SLC44A5: variants seen among roughly 807,000 people sequenced by gnomAD.
The protein encoded by SLC44A5 is choline transporter-like protein 5.
Under a neutral mutation model 101.8 loss-of-function variants are expected in SLC44A5, and 57 were observed. That is an observed-to-expected ratio of 0.56 (90% confidence interval 0.45 to 0.70). SLC44A5 has a LOEUF of 0.70. Among genes scored for constraint, SLC44A5 ranks in the 30% least tolerant of loss-of-function variants. The pLI, the probability that SLC44A5 is intolerant of heterozygous loss-of-function variation, is 0.00. For missense variants in SLC44A5, 737 were observed against 853.1 expected, an observed-to-expected ratio of 0.86 and a Z score of 1.70; for synonymous variants, 281 against 290.9, an observed-to-expected ratio of 0.97 and a Z score of 0.35.
chr1:75,617,341 C>A, the SLC44A5 span, among the ~76,000 whole-genome samples: 5 of 151,990 alleles, frequency 3.3e-5, no homozygotes, highest in Admixed American at 1.3e-4. Flanking sequence ...CAGAAGTTGC[C>A]CCAGTACTAG....
In SLC44A5 at chr1:75,307,326, G is replaced by A. The variant is rs529127076; in HGVS notation, c.102-6641C>T. On this transcript the variant is annotated intron_variant, in intron 4 of 23. Transcript: ENST00000370859. ...GCATTGGTCCTCTGTGGTTCTGTTG[G>A]CACCTGAATGATGCCATTCAGTCAT... 4.6e-5 allele frequency among the ~76,000 whole-genome samples: 7 copies of A among 152,202 alleles called. No individual in the cohort carries two copies. In the South Asian group the frequency reaches 1.5e-3, roughly 32 times the overall value.
chr1:75,314,089 A>T (rs1193257875), intron 4 of SLC44A5, among the ~76,000 whole-genome samples: 5 of 152,198 alleles, frequency 3.3e-5, no homozygotes, highest in African/African-American at 1.2e-4. Context: ...TATAGTTTAA[A>T]TAATCCTAAC....
intron 17 of SLC44A5, 112 bp from the exon 18 acceptor site, chr1:75,218,072 G>A (rs1646999916): frequency 1.4e-6 from 1 of 722,780 alleles, no homozygotes; most frequent in East Asian, 2.7e-5. Context: ...TAACAGCAAA[G>A]AGACTTTTGC....
At chr1:75,240,091 T>C (rs1285816269) in intron 9 of SLC44A5, among the ~76,000 whole-genome samples, 3 of 152,092 alleles carry the variant, frequency 2.0e-5, no homozygotes, top group African/African-American at 7.2e-5. Context: ...TTACTAAATG[T>C]GTTCATTACA....
chr1:75,649,239 C>G, the SLC44A5 span, among the ~76,000 whole-genome samples: 34 of 152,276 alleles, frequency 2.2e-4, no homozygotes, highest in East Asian at 6.6e-3. Flanking sequence ...TTGTCTTAAT[C>G]CCTAAGGCAA....
chr1:75,489,367 C>G (rs1668317350), intron 2 of SLC44A5, among the ~76,000 whole-genome samples: 1 of 152,116 alleles, frequency 6.6e-6, no homozygotes, highest in Non-Finnish European at 1.5e-5. Context: ...TGTCTAGAAC[C>G]AAAATAGTTA....
At chr1:75,314,892 A>G (rs559711231) in intron 4 of SLC44A5, among the ~76,000 whole-genome samples, 1 of 152,320 alleles carries the variant, frequency 6.6e-6, no homozygotes, top group African/African-American at 2.4e-5. Context: ...TGCAGATTTT[A>G]GTCATTCTGT....
At chr1:75,224,392 A>T (rs1647153924) in intron 13 of SLC44A5, among the ~76,000 whole-genome samples, 2 of 152,212 alleles carry the variant, frequency 1.3e-5, no homozygotes, top group South Asian at 4.1e-4. Flanking sequence ...GTTATCTGTA[A>T]AATAGCTTCA....
At chr1:75,417,444 T>A (rs1206682999) in intron 2 of SLC44A5, among the ~76,000 whole-genome samples, 1 of 152,240 alleles carries the variant, frequency 6.6e-6, no homozygotes, top group Non-Finnish European at 1.5e-5. Context: ...GAAAACAGAC[T>A]AATACAGAAT....
At chr1:75,681,797 A>C in the SLC44A5 span, among the ~76,000 whole-genome samples, 1 of 151,852 alleles carries the variant, frequency 6.6e-6, no homozygotes, top group Non-Finnish European at 1.5e-5. Context: ...GTATTCAATT[A>C]GGAAAAGAGG....
At chr1:75,528,056 G>GC (rs1248751711) in intron 2 of SLC44A5, among the ~76,000 whole-genome samples, 4 of 152,134 alleles carry the variant, frequency 2.6e-5, no homozygotes, top group Non-Finnish European at 4.4e-5. Flanking sequence ...TATATTGATT[G>GC]CTATACAACA....
At chr1:75,423,113 G>A (rs1380786037) in intron 2 of SLC44A5, among the ~76,000 whole-genome samples, 1 of 152,154 alleles carries the variant, frequency 6.6e-6, no homozygotes, top group Non-Finnish European at 1.5e-5. Context: ...AGCATTCTCT[G>A]GGGTAGGCAG....
At chr1:75,415,688 C>CA (rs1663596624) in intron 2 of SLC44A5, among the ~76,000 whole-genome samples, 1 of 152,078 alleles carries the variant, frequency 6.6e-6, no homozygotes, top group Non-Finnish European at 1.5e-5. Context: ...ATGGCTCTGA[C>CA]AAAAATGCTG....
chr1:75,716,554 A>G, the SLC44A5 span, among the ~76,000 whole-genome samples: 3 of 152,200 alleles, frequency 2.0e-5, no homozygotes, highest in Non-Finnish European at 2.9e-5. Context: ...GTGGAAAGCA[A>G]TGTGGCGATT....
In SLC44A5 at chr1:75,446,590, G is replaced by T. The variant is rs532935521; in HGVS notation, c.14-49969C>A. ...GTAAATCTCCTCCATTAGAAAGAAG[G>T]TCCTATAAAGGCAGAGATTGCCTTG... On this transcript the variant is annotated intron_variant, in intron 2 of 23. Coordinates refer to ENST00000370859, the MANE Select transcript of SLC44A5 (RefSeq NM_001130058.2). Among the ~76,000 whole-genome samples the T allele has an allele frequency of 8.6e-5, 13 of 151,926 alleles. No homozygotes were observed. In the South Asian group the frequency reaches 2.7e-3, roughly 32 times the overall value.
At position 75,219,350 on chromosome 1, in the gene SLC44A5, T is replaced by C. The variant is rs962450278; in HGVS notation, c.1179-6A>G. On this transcript the variant is annotated splice_region_variant and splice_polypyrimidine_tract_variant and intron_variant, in intron 15 of 23. Transcript: ENST00000370859. ...CCCCCGATGTCGCCAAGAAACTGAA[T>C]AAACTCCATTAAGGATAAACCATTT... The C allele has an allele frequency of 6.9e-6, 11 of 1,588,514 alleles. No homozygotes were observed. The highest frequency in any genetic ancestry group is 9.5e-6 in the Non-Finnish European group (11 of 1,156,932).
intron 6 of SLC44A5, among the ~76,000 whole-genome samples, chr1:75,271,524 T>TGTGTGTGTGTGC (rs1553152617): frequency 6.0e-5 from 9 of 151,242 alleles, no homozygotes; most frequent in African/African-American, 2.2e-4. Context: ...TGTGTGTGTG[T>TGTGTGTGTGTGC]CCTCATAGCT....
intron 23 of SLC44A5, chr1:75,206,665 G>A (rs758301513): frequency 1.2e-6 from 2 of 1,613,314 alleles, no homozygotes; most frequent in Non-Finnish European, 1.7e-6. Context: ...ATGCAGGTTA[G>A]GGGTTACGAA....
intron 1 of SLC44A5, among the ~76,000 whole-genome samples, chr1:75,562,411 T>G (rs2102011565): frequency 6.6e-6 from 1 of 152,234 alleles, no homozygotes; most frequent in East Asian, 1.9e-4. Context: ...ATAATATAAT[T>G]TTTAGGCCAG....
Sources: allele counts gnomAD v4.1 joint callset (sites outside exome capture counted in the v4.1 genomes callset), GRCh38; gene constraint gnomAD v4.1.1; transcripts MANE v1.5; gene names NCBI Gene and HGNC (gene_info 2026-07-23, HGNC 2026-07-21).